LRFN2: variants seen among roughly 807,000 people sequenced by gnomAD.
The protein encoded by LRFN2 is leucine-rich repeat and fibronectin type-III domain-containing protein 2.
Under a neutral mutation model 37.3 loss-of-function variants are expected in LRFN2, and 18 were observed. The observed-to-expected ratio is 0.48, with a 90% CI of 0.33 to 0.72. LRFN2 has a LOEUF of 0.72. LRFN2 is among the 30% of genes least tolerant of loss of function. The pLI is 0.02. For missense variants in LRFN2, 1,006 were observed against 1,060.7 expected (o/e 0.95, Z 0.72); for synonymous variants, 556 against 466.6 (o/e 1.19, Z -2.47).
intron 1 of LRFN2, among the ~76,000 whole-genome samples, chr6:40,448,313 C>T (rs1473870186): frequency 3.9e-5 from 6 of 152,232 alleles, no homozygotes; most frequent in Admixed American, 1.3e-4. Context: ...CCATCAAGCA[C>T]GTGCTCCCCT....
chr6:40,481,040 T>C (rs577748437), intron 1 of LRFN2, among the ~76,000 whole-genome samples: 3 of 152,282 alleles, frequency 2.0e-5, no homozygotes, highest in East Asian at 1.9e-4. Context: ...ACCAGTGCCA[T>C]GCTAATTTGA....
intron 1 of LRFN2, among the ~76,000 whole-genome samples, chr6:40,438,049 T>A (rs1277428233): frequency 1.3e-5 from 2 of 152,132 alleles, no homozygotes; most frequent in Non-Finnish European, 2.9e-5. Flanking sequence ...AAATGGATGC[T>A]GGTATCAAAT....
chr6:40,551,041 C>T (rs1359512810), intron 1 of LRFN2, among the ~76,000 whole-genome samples: 4 of 152,046 alleles, frequency 2.6e-5, no homozygotes, highest in Non-Finnish European at 5.9e-5. Flanking sequence ...CGGTGTAGGG[C>T]CTCCTGTGAG....
chr6:40,559,939 T>C (rs1766962864), intron 1 of LRFN2, among the ~76,000 whole-genome samples: 1 of 152,166 alleles, frequency 6.6e-6, no homozygotes, highest in Non-Finnish European at 1.5e-5. Flanking sequence ...GGCACAGTCC[T>C]GACTTGGCCC....
intron 2 of LRFN2, among the ~76,000 whole-genome samples, chr6:40,410,503 G>A (rs371559909): frequency 5.5e-4 from 84 of 152,192 alleles, no homozygotes; most frequent in Non-Finnish European, 9.1e-4. Flanking sequence ...TTAACTTTCC[G>A]TAGCTTTTGT....
intron 2 of LRFN2, among the ~76,000 whole-genome samples, chr6:40,413,525 C>A (rs997664828): frequency 1.3e-5 from 2 of 152,156 alleles, no homozygotes; most frequent in Non-Finnish European, 2.9e-5. Context: ...AACCACGACC[C>A]GGTTTCCTTT....
chr6:40,432,306 C>T lies in LRFN2; in HGVS notation c.808G>A (p.Gly270Ser), dbSNP rs571887970. 43 of 1,614,114 alleles carry T rather than the reference C, an allele frequency of 2.7e-5. No homozygotes were observed. In the South Asian group the frequency reaches 4.0e-4, roughly 15 times the overall value. ...TGCCAGAAGTAGCGACCCTTGAGGCCCCCTGGGGAGCCACAGGTTTCCAGG... is the reference window on the plus strand; with the variant it reads ...TGCCAGAAGTAGCGACCCTTGAGGCTCCCTGGGGAGCCACAGGTTTCCAGG... Reference protein sequence around the residue: ...DDLETCGSPGGLKGRYFWHVR... With the variant: ...DDLETCGSPGSLKGRYFWHVR... Residue 270 changes from glycine (G) to serine (S), a missense_variant, in exon 2 of 3, where the codon GGC becomes AGC. Coordinates refer to ENST00000338305, the MANE Select transcript of LRFN2 (RefSeq NM_020737.3).
chr6:40,406,939 C>T (rs866648484), intron 2 of LRFN2, among the ~76,000 whole-genome samples: 4 of 152,316 alleles, frequency 2.6e-5, no homozygotes, highest in Middle Eastern at 3.4e-3. Context: ...TCTCAGTAGT[C>T]AGACCCTACA....
intron 1 of LRFN2, among the ~76,000 whole-genome samples, chr6:40,560,607 C>T (rs180767354): frequency 2.3e-4 from 35 of 152,286 alleles, no homozygotes; most frequent in Non-Finnish European, 3.8e-4. Flanking sequence ...CTGCCAATCA[C>T]TCAGATTGGT....
chr6:40,473,586 A>C (rs1764648615), intron 1 of LRFN2, among the ~76,000 whole-genome samples: 1 of 152,132 alleles, frequency 6.6e-6, no homozygotes, highest in Admixed American at 6.5e-5. Flanking sequence ...TTTGTTTTTT[A>C]TTTAAGTTCT....
intron 1 of LRFN2, among the ~76,000 whole-genome samples, chr6:40,582,393 T>TA (rs1306157532): frequency 4.0e-5 from 6 of 151,766 alleles, no homozygotes; most frequent in African/African-American, 1.5e-4. Context: ...GCCCTGTTAA[T>TA]ATTGGAAGGT....
At chr6:40,577,817 A>T (rs866153833) in intron 1 of LRFN2, among the ~76,000 whole-genome samples, 2,349 of 48,934 alleles carry the variant, frequency 0.048, 83 homozygotes, top group African/African-American at 0.16. Flanking sequence ...ATAAAAATTA[A>T]AAAAAATAAA....
intron 1 of LRFN2, among the ~76,000 whole-genome samples, chr6:40,500,837 G>T (rs1765364262): frequency 6.6e-6 from 1 of 152,106 alleles, no homozygotes; most frequent in African/African-American, 2.4e-5. Flanking sequence ...CTACAGGTTT[G>T]GAAAGAGAAT....
rs544560559 is a variant in LRFN2, at chr6:40,566,740, G to C, written c.-19+20201C>G. On this transcript the variant is annotated intron_variant, in intron 1 of 2. Coordinates refer to ENST00000338305, the MANE Select transcript of LRFN2 (RefSeq NM_020737.3). ...CACACACTGGGGACTGTTGTGGGGTGGGGGGAGAGGGGAGGAATAGCATTA... is the reference window on the plus strand; with the variant it reads ...CACACACTGGGGACTGTTGTGGGGTCGGGGGAGAGGGGAGGAATAGCATTA... Among the ~76,000 whole-genome samples, 599 of 151,576 alleles carry C rather than the reference G, an allele frequency of 4.0e-3. 2 individuals carry two copies. Among genetic ancestry groups the C allele is most frequent in the Middle Eastern group, 6.8e-3 (2 of 294 alleles).
intron 1 of LRFN2, among the ~76,000 whole-genome samples, chr6:40,522,010 G>A (rs1021106724): frequency 1.3e-5 from 2 of 152,232 alleles, no homozygotes; most frequent in African/African-American, 4.8e-5. Context: ...TCCAAGACCA[G>A]AAGGAAGACA....
chr6:40,526,079 T>C (rs1165432576), intron 1 of LRFN2, among the ~76,000 whole-genome samples: 2 of 152,246 alleles, frequency 1.3e-5, no homozygotes, highest in African/African-American at 4.8e-5. Flanking sequence ...CAGGGCACAG[T>C]TCTGAGCACT....
chr6:40,580,969 G>A (rs1024719847), intron 1 of LRFN2, among the ~76,000 whole-genome samples: 7 of 152,158 alleles, frequency 4.6e-5, no homozygotes, highest in Non-Finnish European at 7.3e-5. Context: ...GTGTGGATGT[G>A]TGTGAGGTAT....
intron 1 of LRFN2, among the ~76,000 whole-genome samples, chr6:40,512,679 G>A (rs762513745): frequency 6.6e-6 from 1 of 152,092 alleles, no homozygotes; most frequent in Non-Finnish European, 1.5e-5. Context: ...TCCTCCTGGG[G>A]GCCCACCACA....
At chr6:40,502,413 C>G (rs1765406050) in intron 1 of LRFN2, 1 of 152,194 alleles carries the variant, frequency 6.6e-6, no homozygotes, top group Non-Finnish European at 1.5e-5. Context: ...TCATAAAAGA[C>G]ACGAAGGCTG....
Sources: gnomAD v4.1 joint callset for allele counts (sites outside exome capture counted in the v4.1 genomes callset) on GRCh38, gnomAD v4.1.1 for gene constraint, MANE v1.5 for transcripts, NCBI Gene and HGNC (gene_info 2026-07-23, HGNC 2026-07-21) for gene names.